Variants in CNTNAP2 observed in about 807,000 individuals in gnomAD.
CNTNAP2 encodes contactin-associated protein-like 2.
In CNTNAP2, 98 loss-of-function variants were observed where a neutral mutation model predicts 155.2. The observed-to-expected ratio is 0.63, with a 90% CI of 0.54 to 0.75. CNTNAP2 has a LOEUF of 0.75. CNTNAP2 is among the 30% of genes least tolerant of loss of function. The probability of loss-of-function intolerance (pLI) is 0.00; values close to 1 mark genes in which losing one functional copy is unlikely to be tolerated. For missense variants in CNTNAP2, 1,727 were observed against 1,688.1 expected (o/e 1.02, Z -0.40); for synonymous variants, 651 against 631.2 (o/e 1.03, Z -0.47).
At chr7:147,823,054 A>G (rs148161557) in intron 13 of CNTNAP2, among the ~76,000 whole-genome samples, 63 of 152,348 alleles carry the variant, frequency 4.1e-4, no homozygotes, top group Middle Eastern at 3.4e-3. Flanking sequence ...TTTCCAAACC[A>G]TATATTTGAC....
intron 9 of CNTNAP2, among the ~76,000 whole-genome samples, chr7:147,313,412 T>C (rs1344859885): frequency 4.0e-5 from 6 of 151,366 alleles, no homozygotes; most frequent in Non-Finnish European, 8.8e-5. Flanking sequence ...CATTTAAGTC[T>C]TTAATCCATC....
rs368864727 is a variant in CNTNAP2, at chr7:146,933,053, T to C, written c.402+93149T>C. 5.3e-4 allele frequency among the ~76,000 whole-genome samples: 81 copies of C among 152,146 alleles called. No individual in the cohort carries two copies. The East Asian group carries it at 0.013, about 25-fold the overall frequency. On this transcript the variant is annotated intron_variant, in intron 3 of 23. Coordinates refer to ENST00000361727, the MANE Select transcript of CNTNAP2 (RefSeq NM_014141.6). Reference sequence around the variant, plus strand: ...ATTCAATGCCATCCCCATCAAGCTATCAATGACTTTCTTCACAGAATTGGA... The same window carrying C: ...ATTCAATGCCATCCCCATCAAGCTACCAATGACTTTCTTCACAGAATTGGA...
At chr7:147,971,352 AG>A (rs1177020304) in intron 14 of CNTNAP2, among the ~76,000 whole-genome samples, 2 of 152,306 alleles carry the variant, frequency 1.3e-5, no homozygotes, top group East Asian at 3.9e-4. Flanking sequence ...ACAAGTGTAC[AG>A]GTTTTTTTAG....
chr7:146,780,987 G>A (rs1802476006), intron 2 of CNTNAP2, among the ~76,000 whole-genome samples: 1 of 152,042 alleles, frequency 6.6e-6, no homozygotes, highest in African/African-American at 2.4e-5. Context: ...CCAGCACTTT[G>A]GGAGGCCGAG....
intron 1 of CNTNAP2, among the ~76,000 whole-genome samples, chr7:146,509,604 G>A (rs1797436553): frequency 6.6e-6 from 1 of 152,144 alleles, no homozygotes; most frequent in Non-Finnish European, 1.5e-5. Flanking sequence ...CCACAACAGA[G>A]GTTCTTCCTC....
intron 9 of CNTNAP2, among the ~76,000 whole-genome samples, chr7:147,310,314 G>C (rs1042942649): frequency 6.6e-6 from 1 of 152,018 alleles, no homozygotes; most frequent in African/African-American, 2.4e-5. Context: ...AAAACTCTTT[G>C]ACTTTCAAGA....
chr7:146,919,046 T>G (rs1044039862), intron 3 of CNTNAP2, among the ~76,000 whole-genome samples: 2 of 152,200 alleles, frequency 1.3e-5, no homozygotes, highest in Non-Finnish European at 2.9e-5. Flanking sequence ...TTATATTTTA[T>G]TTTTTGCTAC....
intron 9 of CNTNAP2, among the ~76,000 whole-genome samples, chr7:147,306,940 A>G (rs1795040622): frequency 1.3e-5 from 2 of 152,216 alleles, no homozygotes; most frequent in Admixed American, 1.3e-4. Context: ...CAATTAAAAG[A>G]AGAAAAAAAT....
chr7:147,546,444 T>C (rs1275395133), intron 11 of CNTNAP2, among the ~76,000 whole-genome samples: 1 of 152,198 alleles, frequency 6.6e-6, no homozygotes, highest in African/African-American at 2.4e-5. Context: ...GCCTACTCTA[T>C]GCTAGATGAG....
At chr7:146,955,109 T>A (rs191309692) in intron 3 of CNTNAP2, among the ~76,000 whole-genome samples, 11 of 152,104 alleles carry the variant, frequency 7.2e-5, no homozygotes, top group Admixed American at 3.9e-4. Flanking sequence ...ACAAAATATA[T>A]TTAGGTACCC....
At chr7:148,367,363 A>T (rs1798803682) in intron 21 of CNTNAP2, among the ~76,000 whole-genome samples, 1 of 152,248 alleles carries the variant, frequency 6.6e-6, no homozygotes, top group African/African-American at 2.4e-5. Context: ...ATCAGAAGAA[A>T]AAAATGAACT....
At chr7:146,136,212 G>A (rs1797795104) in intron 1 of CNTNAP2, among the ~76,000 whole-genome samples, 1 of 152,124 alleles carries the variant, frequency 6.6e-6, no homozygotes, top group Admixed American at 6.6e-5. Context: ...AATAGTAACT[G>A]AGTGTGATTT....
At chr7:147,068,168 G>A (rs927869552) in intron 4 of CNTNAP2, among the ~76,000 whole-genome samples, 2 of 152,020 alleles carry the variant, frequency 1.3e-5, no homozygotes, top group African/African-American at 2.4e-5. Context: ...GCCTAACTCA[G>A]GCCCACTAAG....
Position 147,637,758 on chromosome 7 carries a change from C to T in CNTNAP2, c.1898-1348C>T, listed in dbSNP as rs562946915. On this transcript the variant is annotated intron_variant, in intron 12 of 23. Coordinates refer to ENST00000361727, the MANE Select transcript of CNTNAP2 (RefSeq NM_014141.6). ...CTTGATTTTTATCAATAGTACATTA[C>T]GTGTAACATTGATTGTGTATTTTCA... Among the ~76,000 whole-genome samples the T allele has an allele frequency of 3.9e-4, 59 of 152,242 alleles. 1 individual carries two copies. Among genetic ancestry groups the T allele is most frequent in the Admixed American group, 3.5e-3 (53 of 15,276 alleles).
chr7:147,480,599 G>A (rs1528523), intron 10 of CNTNAP2, among the ~76,000 whole-genome samples: 1 of 152,000 alleles, frequency 6.6e-6, no homozygotes, highest in South Asian at 2.1e-4. Flanking sequence ...ATTATTATAT[G>A]TCACTCTGAG....
intron 3 of CNTNAP2, among the ~76,000 whole-genome samples, chr7:147,028,634 C>G (rs1798967806): frequency 6.6e-6 from 1 of 152,148 alleles, no homozygotes; most frequent in Non-Finnish European, 1.5e-5. Context: ...GTGGCTAGAC[C>G]ACACTTTATT....
chr7:148,090,428 G>A (rs1479380174), intron 15 of CNTNAP2, among the ~76,000 whole-genome samples: 9 of 151,966 alleles, frequency 5.9e-5, no homozygotes, highest in Non-Finnish European at 1.3e-4. Context: ...CAAATAACTT[G>A]ATTTAAAAAT....
At chr7:146,473,750 G>GT (rs1192467359) in intron 1 of CNTNAP2, among the ~76,000 whole-genome samples, 1 of 146,652 alleles carries the variant, frequency 6.8e-6, no homozygotes, top group African/African-American at 2.6e-5. Context: ...TATTTTGTAT[G>GT]TTTTTCCCCC....
At chr7:146,550,109 T>G (rs1035759702) in intron 1 of CNTNAP2, among the ~76,000 whole-genome samples, 3 of 152,058 alleles carry the variant, frequency 2.0e-5, no homozygotes, top group Admixed American at 2.0e-4. Context: ...AAACTTGGAT[T>G]GATTAAACTT....
Sources: allele counts gnomAD v4.1 joint callset (sites outside exome capture counted in the v4.1 genomes callset), GRCh38; gene constraint gnomAD v4.1.1; transcripts MANE v1.5; gene names NCBI Gene and HGNC (gene_info 2026-07-23, HGNC 2026-07-21).